FHIT: variants seen among roughly 807,000 people sequenced by gnomAD.
FHIT encodes bis(5'-adenosyl)-triphosphatase.
In FHIT, 19 loss-of-function variants were observed where a neutral mutation model predicts 17.9. The observed-to-expected ratio is 1.06, with a 90% CI of 0.74 to 1.56. FHIT has a LOEUF of 1.56. FHIT is among the 40% of genes most tolerant of loss of function. FHIT has a pLI of 0.00. For missense variants in FHIT, 248 were observed against 189.2 expected (o/e 1.31, Z -1.82); for synonymous variants, 81 against 69.7 (o/e 1.16, Z -0.81).
rs150440867 is a variant in FHIT, at chr3:60,476,764, G to T, written c.103+60096C>A. The stretch of plus-strand genomic sequence containing the variant: ...GCTGACCATTTATAAGGCGCAGAAC[G>T]GGAATGTGAAAACTCAGCTTCTGGC... On this transcript the variant is annotated intron_variant, in intron 5 of 9. Transcript: ENST00000492590. Among the ~76,000 whole-genome samples the T allele has an allele frequency of 3.3e-5, 5 of 152,178 alleles. No individual in the cohort carries two copies. The East Asian group carries it at 5.8e-4, about 18-fold the overall frequency.
chr3:60,359,472 G>C (rs1046043395), intron 5 of FHIT, among the ~76,000 whole-genome samples: 34 of 151,846 alleles, frequency 2.2e-4, no homozygotes, highest in African/African-American at 7.7e-4. Context: ...GTAGAGACAG[G>C]GTTTCACCAT....
chr3:59,943,583 T>C (rs561241770), intron 7 of FHIT, among the ~76,000 whole-genome samples: 5 of 152,276 alleles, frequency 3.3e-5, no homozygotes, highest in Admixed American at 6.5e-5. Flanking sequence ...GGGGCTACCT[T>C]ACTCCTGTCT....
intron 8 of FHIT, among the ~76,000 whole-genome samples, chr3:59,919,220 C>G (rs940415305): frequency 1.2e-4 from 18 of 152,170 alleles, no homozygotes; most frequent in African/African-American, 3.1e-4. Flanking sequence ...TAGATATCCT[C>G]TTGAAGAATT....
intron 5 of FHIT, among the ~76,000 whole-genome samples, chr3:60,446,584 G>A (rs1407709800): frequency 6.6e-6 from 1 of 152,094 alleles, no homozygotes; most frequent in Non-Finnish European, 1.5e-5. Context: ...AACACACACA[G>A]TGGCTCACAC....
chr3:60,413,874 A>G (rs1181158676), intron 5 of FHIT, among the ~76,000 whole-genome samples: 1 of 152,226 alleles, frequency 6.6e-6, no homozygotes, highest in African/African-American at 2.4e-5. Context: ...TAACTACCAC[A>G]TGCTACGCAC....
chr3:60,948,785 T>A (rs1429125327), intron 3 of FHIT, among the ~76,000 whole-genome samples: 2 of 152,182 alleles, frequency 1.3e-5, no homozygotes, highest in African/African-American at 4.8e-5. Context: ...AATCAGCCCC[T>A]GCAGAAATGA....
intron 4 of FHIT, 104 bp from the exon 5 acceptor site, chr3:60,537,083 G>A: frequency 1.1e-6 from 1 of 898,144 alleles, no homozygotes; most frequent in East Asian, 2.9e-5. Context: ...CTTAGTTGCA[G>A]AGAGGATGCC....
chr3:60,160,722 A>C (rs1162594267), intron 5 of FHIT, among the ~76,000 whole-genome samples: 1 of 152,180 alleles, frequency 6.6e-6, no homozygotes, highest in African/African-American at 2.4e-5. Flanking sequence ...GTTTTTTATC[A>C]AATGACAACA....
intron 3 of FHIT, among the ~76,000 whole-genome samples, chr3:60,942,741 T>C (rs1553774861): frequency 6.6e-6 from 1 of 152,146 alleles, no homozygotes; most frequent in East Asian, 1.9e-4. Flanking sequence ...TCTACTGTAT[T>C]TGGGTTTACT....
chr3:60,812,283 C>T (rs1553736319), intron 4 of FHIT, among the ~76,000 whole-genome samples: 1 of 151,500 alleles, frequency 6.6e-6, no homozygotes, highest in African/African-American at 2.4e-5. Context: ...TTGCCTCAGC[C>T]TCCCAAGCAG....
At chr3:59,889,283 T>TCTGA (rs1285664543) in intron 8 of FHIT, among the ~76,000 whole-genome samples, 7 of 152,220 alleles carry the variant, frequency 4.6e-5, no homozygotes, top group Admixed American at 4.6e-4. Flanking sequence ...ATTCATACTG[T>TCTGA]CTGACATCCA....
intron 5 of FHIT, among the ~76,000 whole-genome samples, chr3:60,389,761 C>A (rs1453423135): frequency 6.6e-6 from 1 of 152,176 alleles, no homozygotes; most frequent in South Asian, 2.1e-4. Flanking sequence ...TAATCACTGT[C>A]ATTTTATTAT....
intron 3 of FHIT, among the ~76,000 whole-genome samples, chr3:60,948,163 T>C (rs1319586951): frequency 6.6e-6 from 1 of 152,176 alleles, no homozygotes; most frequent in Admixed American, 6.5e-5. Context: ...TAGGTGTCCT[T>C]CCTAGCCTGC....
chr3:61,046,369 C>T (rs993452575), intron 2 of FHIT, among the ~76,000 whole-genome samples: 3 of 152,148 alleles, frequency 2.0e-5, no homozygotes, highest in African/African-American at 7.2e-5. Flanking sequence ...CACCTCTATG[C>T]AAATAAACTA....
At chr3:60,570,181 C>G (rs1230645614) in intron 4 of FHIT, among the ~76,000 whole-genome samples, 1 of 152,030 alleles carries the variant, frequency 6.6e-6, no homozygotes, top group African/African-American at 2.4e-5. Context: ...GAATCACTGT[C>G]AGAGTTTCAG....
At chr3:60,069,792 A>T (rs775275795) in intron 5 of FHIT, among the ~76,000 whole-genome samples, 2 of 152,194 alleles carry the variant, frequency 1.3e-5, no homozygotes, top group Non-Finnish European at 2.9e-5. Context: ...TAAAACAGTC[A>T]TACTTTCCAT....
intron 3 of FHIT, among the ~76,000 whole-genome samples, chr3:60,898,457 G>T (rs1181142152): frequency 6.6e-6 from 1 of 152,116 alleles, no homozygotes; most frequent in African/African-American, 2.4e-5. Context: ...AGCAGTGTAT[G>T]GTGGGTTCCC....
At chr3:60,878,627 C>A (rs1553757108) in intron 3 of FHIT, among the ~76,000 whole-genome samples, 1 of 152,062 alleles carries the variant, frequency 6.6e-6, no homozygotes, top group Non-Finnish European at 1.5e-5. Context: ...TCTCCTAATG[C>A]TATCCCTCCC....
intron 5 of FHIT, among the ~76,000 whole-genome samples, chr3:60,526,244 G>C (rs2035571582): frequency 6.6e-6 from 1 of 152,064 alleles, no homozygotes; most frequent in Non-Finnish European, 1.5e-5. Flanking sequence ...AGTCTGCACT[G>C]GTGAATTAAC....
Sources: allele counts gnomAD v4.1 joint callset (sites outside exome capture counted in the v4.1 genomes callset), GRCh38; gene constraint gnomAD v4.1.1; transcripts MANE v1.5; gene names NCBI Gene and HGNC (gene_info 2026-07-23, HGNC 2026-07-21).